CPB2: variants seen among roughly 807,000 people sequenced by gnomAD.
The protein encoded by CPB2 is carboxypeptidase B2.
Under a neutral mutation model 57.0 loss-of-function variants are expected in CPB2, and 54 were observed. The observed-to-expected ratio is 0.95, with a 90% CI of 0.76 to 1.19. CPB2 has a LOEUF of 1.19. CPB2 is among the 50% of genes most tolerant of loss of function. CPB2 has a pLI of 0.00. For missense variants in CPB2, 426 were observed against 512.0 expected (o/e 0.83, Z 1.62); for synonymous variants, 189 against 178.1 (o/e 1.06, Z -0.49).
chr13:46,081,223 T>C (rs1258210425), intron 4 of CPB2, among the ~76,000 whole-genome samples: 3 of 152,182 alleles, frequency 2.0e-5, no homozygotes, highest in African/African-American at 7.2e-5. Context: ...TCATTCCAAC[T>C]CTTTCCTGAA....
intron 1 of CPB2, chr13:46,098,273 T>C (rs1220770250): frequency 2.0e-5 from 3 of 152,094 alleles, no homozygotes; most frequent in Admixed American, 6.6e-5. Flanking sequence ...GGGCACCTCT[T>C]TGGGGAAAAC....
intron 5 of CPB2, among the ~76,000 whole-genome samples, chr13:46,075,637 A>T (rs972600158): frequency 2.6e-5 from 4 of 152,206 alleles, no homozygotes; most frequent in African/African-American, 9.6e-5. Flanking sequence ...CTGCACTGTA[A>T]GTTCTTGTAA....
chr13:46,087,619 G>A, intron 2 of CPB2, 126 bp downstream of exon 2: 1 of 669,846 alleles, frequency 1.5e-6, no homozygotes, highest in Non-Finnish European at 2.6e-6. Flanking sequence ...TGAGAAGGGA[G>A]AGAAGACTAT....
intron 5 of CPB2, 44 bp from the exon 6 acceptor site, chr13:46,074,021 G>T: frequency 8.7e-7 from 1 of 1,155,908 alleles, no homozygotes; most frequent in Non-Finnish European, 1.3e-6. Context: ...GTAACAATAA[G>T]CTTCAGGATA....
intron 8 of CPB2, among the ~76,000 whole-genome samples, chr13:46,062,433 C>T (rs1020002142): frequency 3.3e-5 from 5 of 152,108 alleles, no homozygotes; most frequent in Non-Finnish European, 7.4e-5. Context: ...AATGGCTCAG[C>T]GCTGAGTAAC....
chr13:46,090,122 GAACA>G (rs1385947588), intron 1 of CPB2, among the ~76,000 whole-genome samples: 1 of 151,538 alleles, frequency 6.6e-6, no homozygotes, highest in Non-Finnish European at 1.5e-5. Context: ...ATATCTTAGA[GAACA>G]AACTCTTGCT....
rs2045311254 is a variant in CPB2, at chr13:46,092,747, A to G, written c.75-4927T>C. Among the ~76,000 whole-genome samples the G allele has an allele frequency of 2.0e-5, 3 of 152,324 alleles. No homozygotes were observed. The South Asian group carries it at 6.2e-4, about 32-fold the overall frequency. On this transcript the variant is annotated intron_variant, in intron 1 of 10. Transcript: ENST00000181383. ...TTAAAGCAAGAGAAGAATGGGAGCT[A>G]AACAGAAATGAGTGTGGGAAGTTAT...
chr13:46,082,646 A>G, intron 3 of CPB2, 97 bp from the exon 4 acceptor site: 1 of 679,084 alleles, frequency 1.5e-6, no homozygotes, highest in Non-Finnish European at 2.6e-6. Context: ...TGAAGAAAAA[A>G]AATCACTAAG....
At position 46,064,598 on chromosome 13, in the gene CPB2, A is replaced by G. The variant is rs759695726; in HGVS notation, c.796+50T>C. On this transcript the variant is annotated intron_variant, in intron 8 of 10. Coordinates refer to ENST00000181383, the MANE Select transcript of CPB2 (RefSeq NM_001872.5). ...AATTCATGGGCCTTTCCCTGTGAAC[A>G]TCACCCTTTCAGTGAAGAGACATTG... is the stretch of plus-strand genomic sequence containing the variant. 4 of 1,441,796 alleles carry G rather than the reference A, an allele frequency of 2.8e-6. No individual in the cohort carries two copies. In the South Asian group the frequency reaches 4.6e-5, roughly 16 times the overall value. The allele number at this position is 1,441,796 out of a possible 1,614,324, so 89.3% of individuals were successfully genotyped here.
chr13:46,087,512 A>C (rs1247808575), intron 2 of CPB2, among the ~76,000 whole-genome samples: 1 of 152,248 alleles, frequency 6.6e-6, no homozygotes, highest in East Asian at 1.9e-4. Context: ...GTAAGTGCAC[A>C]CTTTATATCC....
chr13:46,058,136 A>G (rs1427878002), intron 9 of CPB2, 43 bp downstream of exon 9: 3 of 1,559,326 alleles, frequency 1.9e-6, no homozygotes, highest in Non-Finnish European at 2.6e-6. Context: ...GTATTATTTT[A>G]TTTCCAAAAT....
At chr13:46,094,566 T>C (rs2045339309) in intron 1 of CPB2, among the ~76,000 whole-genome samples, 1 of 152,160 alleles carries the variant, frequency 6.6e-6, no homozygotes, top group Non-Finnish European at 1.5e-5. Context: ...ATGGAGATGT[T>C]AAGATCCCTG....
At chr13:46,094,250 C>T (rs533715513) in intron 1 of CPB2, among the ~76,000 whole-genome samples, 6 of 152,274 alleles carry the variant, frequency 3.9e-5, no homozygotes, top group East Asian at 3.9e-4. Flanking sequence ...CTGCCACATT[C>T]GCTCTGACAT....
rs550381192 is a variant in CPB2, at chr13:46,080,412, G to A, written c.385-1511C>T. Among the ~76,000 whole-genome samples the A allele has an allele frequency of 2.6e-5, 4 of 152,266 alleles. No homozygotes were observed. The South Asian group carries it at 6.2e-4, about 24-fold the overall frequency. ...GAACCTGTTAGAAAATAATAGGGGC[G>A]GGGGTGCAAAGAGAAGCACAAGACA... On this transcript the variant is annotated intron_variant, in intron 4 of 10. Transcript: ENST00000181383.
intron 8 of CPB2, among the ~76,000 whole-genome samples, chr13:46,062,024 GGT>G (rs1491319629): frequency 5.1e-5 from 4 of 78,884 alleles, no homozygotes; most frequent in African/African-American, 1.8e-4. Flanking sequence ...CTTTTTATTT[GGT>G]TTTTTTTTTT....
At chr13:46,083,868 G>A (rs1311512681) in intron 3 of CPB2, among the ~76,000 whole-genome samples, 7 of 152,122 alleles carry the variant, frequency 4.6e-5, no homozygotes, top group Non-Finnish European at 7.3e-5. Context: ...ATCCCCTCCC[G>A]AAGCTGCTTT....
At chr13:46,087,696 T>C in intron 2 of CPB2, 49 bp downstream of exon 2, 1 of 1,280,538 alleles carries the variant, frequency 7.8e-7, no homozygotes, top group East Asian at 2.3e-5. Context: ...CAACACCCAG[T>C]GCTTATACAA....
chr13:46,081,094 C>T (rs2045109369), intron 4 of CPB2, among the ~76,000 whole-genome samples: 1 of 151,762 alleles, frequency 6.6e-6, no homozygotes, highest in Admixed American at 6.6e-5. Flanking sequence ...CCTTGATCTT[C>T]TAGCCTCTAG....
intron 5 of CPB2, among the ~76,000 whole-genome samples, chr13:46,077,605 T>C (rs1192024459): frequency 6.6e-6 from 1 of 152,060 alleles, no homozygotes; most frequent in Non-Finnish European, 1.5e-5. Context: ...AATCAGTATA[T>C]CAAAAAGATA....
Sources: gnomAD v4.1 joint callset for allele counts (sites outside exome capture counted in the v4.1 genomes callset) on GRCh38, gnomAD v4.1.1 for gene constraint, MANE v1.5 for transcripts, NCBI Gene and HGNC (gene_info 2026-07-23, HGNC 2026-07-21) for gene names.